Variants in ZMAT4 observed in about 807,000 individuals in gnomAD.
ZMAT4 encodes zinc finger matrin-type 4, also known as zinc finger matrin-type protein 4.
Under a neutral mutation model 28.7 loss-of-function variants are expected in ZMAT4, and 17 were observed. That is an observed-to-expected ratio of 0.59 (90% CI 0.41 to 0.89). ZMAT4 has a LOEUF of 0.89. Ranked by LOEUF, ZMAT4 falls within the 40% of genes least tolerant of loss-of-function variation. The pLI is 0.00. For missense variants in ZMAT4, 240 were observed against 283.8 expected, an observed-to-expected ratio of 0.85 and a Z score of 1.11; for synonymous variants, 117 against 109.2, an observed-to-expected ratio of 1.07 and a Z score of -0.44.
chr8:40,832,219 T>C lies in ZMAT4; in HGVS notation c.-4-6539A>G, dbSNP rs147461214. On this transcript the variant is annotated intron_variant, in intron 1 of 6. Transcript: ENST00000297737. The stretch of plus-strand genomic sequence containing the variant: ...GGACAGACATTCAGTGCAGAATTAA[T>C]ATGCTGGGGCCTGAAGAGCCTCGAC... Among the ~76,000 whole-genome samples the C allele has an allele frequency of 3.3e-3, 499 of 152,276 alleles. 1 individual carries two copies. Among genetic ancestry groups the C allele is most frequent in the Non-Finnish European group, 5.3e-3 (361 of 68,028 alleles).
At chr8:40,618,589 AT>A (rs1806095119) in intron 5 of ZMAT4, among the ~76,000 whole-genome samples, 1 of 151,634 alleles carries the variant, frequency 6.6e-6, no homozygotes, top group African/African-American at 2.4e-5. Context: ...CTACCAATTC[AT>A]TTGTTTAATG....
At chr8:40,824,725 AAAGAAAG>A (rs954795605) in intron 2 of ZMAT4, among the ~76,000 whole-genome samples, 2 of 151,230 alleles carry the variant, frequency 1.3e-5, no homozygotes, top group African/African-American at 2.4e-5. Context: ...TGAAAGAAAG[AAAGAAAG>A]AAGAAAGAAA....
intron 5 of ZMAT4, among the ~76,000 whole-genome samples, chr8:40,673,188 C>T (rs1808755142): frequency 6.6e-6 from 1 of 152,144 alleles, no homozygotes; most frequent in Admixed American, 6.5e-5. Flanking sequence ...ACATGGAATG[C>T]CTTCTCACCT....
intron 1 of ZMAT4, among the ~76,000 whole-genome samples, chr8:40,867,383 T>A (rs1472602218): frequency 6.6e-6 from 1 of 152,226 alleles, no homozygotes; most frequent in Non-Finnish European, 1.5e-5. Context: ...GCGTCTGTTT[T>A]CAAAGTGATC....
intron 1 of ZMAT4, among the ~76,000 whole-genome samples, chr8:40,893,788 C>T (rs909143463): frequency 1.3e-5 from 2 of 152,134 alleles, no homozygotes; most frequent in South Asian, 2.1e-4. Context: ...AGCATAGTAC[C>T]TGATAGGCAG....
chr8:40,629,441 A>G (rs1443523504), intron 5 of ZMAT4, among the ~76,000 whole-genome samples: 4 of 151,190 alleles, frequency 2.6e-5, no homozygotes, highest in Non-Finnish European at 4.4e-5. Flanking sequence ...GTTTTAGGGT[A>G]CATGTGCACA....
At chr8:40,556,407 C>T (rs144240635) in intron 6 of ZMAT4, among the ~76,000 whole-genome samples, 1 of 152,308 alleles carries the variant, frequency 6.6e-6, no homozygotes, top group Non-Finnish European at 1.5e-5. Context: ...ATACCTCCAT[C>T]ATCAATCCAA....
At chr8:40,848,585 T>C (rs61146272) in intron 1 of ZMAT4, among the ~76,000 whole-genome samples, 13,483 of 152,126 alleles carry the variant, frequency 0.089, 648 homozygotes, top group Admixed American at 0.13. Context: ...TCACTAGTCA[T>C]ATAACTTTGG....
chr8:40,547,371 T>C (rs1803237325), intron 6 of ZMAT4, among the ~76,000 whole-genome samples: 1 of 152,192 alleles, frequency 6.6e-6, no homozygotes, highest in South Asian at 2.1e-4. Flanking sequence ...AAGCAGCAGC[T>C]CGCTGTTAAG....
At chr8:40,875,425 T>A (rs1818007940) in intron 1 of ZMAT4, among the ~76,000 whole-genome samples, 1 of 152,036 alleles carries the variant, frequency 6.6e-6, no homozygotes, top group South Asian at 2.1e-4. Flanking sequence ...GGGAATTGGT[T>A]GAAAAGAAAG....
chr8:40,727,454 T>C (rs1483756923), intron 3 of ZMAT4, among the ~76,000 whole-genome samples: 1 of 152,200 alleles, frequency 6.6e-6, no homozygotes, highest in Non-Finnish European at 1.5e-5. Flanking sequence ...CACAGCTTAA[T>C]CCAACCACGA....
intron 3 of ZMAT4, among the ~76,000 whole-genome samples, chr8:40,750,614 C>T (rs780473032): frequency 6.6e-6 from 1 of 152,104 alleles, no homozygotes; most frequent in Non-Finnish European, 1.5e-5. Context: ...TTTTGTGGGA[C>T]TCTAGCATGT....
At chr8:40,540,872 G>A (rs566936504) in intron 6 of ZMAT4, among the ~76,000 whole-genome samples, 2 of 152,270 alleles carry the variant, frequency 1.3e-5, no homozygotes, top group East Asian at 1.9e-4. Flanking sequence ...CACGTTGGCA[G>A]GTACAGAGAG....
At chr8:40,755,835 T>C (rs1812655567) in intron 3 of ZMAT4, among the ~76,000 whole-genome samples, 1 of 152,200 alleles carries the variant, frequency 6.6e-6, no homozygotes, top group Non-Finnish European at 1.5e-5. Flanking sequence ...TTAAAATAAT[T>C]CCTAGCTTAC....
intron 1 of ZMAT4, among the ~76,000 whole-genome samples, chr8:40,883,959 G>T (rs993607050): frequency 9.9e-5 from 15 of 152,028 alleles, no homozygotes; most frequent in African/African-American, 3.6e-4. Flanking sequence ...AGCCCCTTTC[G>T]CAGTGAAAAG....
chr8:40,666,048 A>G (rs1414126777), intron 5 of ZMAT4, among the ~76,000 whole-genome samples: 2 of 152,230 alleles, frequency 1.3e-5, no homozygotes, highest in Non-Finnish European at 2.9e-5. Flanking sequence ...AAAGTATTTA[A>G]AAGAATAAAT....
At chr8:40,771,691 T>G (rs1373868551) in intron 2 of ZMAT4, among the ~76,000 whole-genome samples, 1 of 152,216 alleles carries the variant, frequency 6.6e-6, no homozygotes, top group African/African-American at 2.4e-5. Context: ...TTTTAAAACT[T>G]CATTTTAGTA....
At chr8:40,771,542 T>A (rs569044878) in intron 2 of ZMAT4, among the ~76,000 whole-genome samples, 1 of 152,252 alleles carries the variant, frequency 6.6e-6, no homozygotes, top group Non-Finnish European at 1.5e-5. Context: ...ATGCTGTTAA[T>A]GTATACTGGT....
chr8:40,664,319 GC>G (rs1808315626), intron 5 of ZMAT4, among the ~76,000 whole-genome samples: 1 of 152,154 alleles, frequency 6.6e-6, no homozygotes, highest in African/African-American at 2.4e-5. Flanking sequence ...TCACCAATAA[GC>G]CAGGTGTGTG....
Sources: allele counts gnomAD v4.1 joint callset (sites outside exome capture counted in the v4.1 genomes callset), GRCh38; gene constraint gnomAD v4.1.1; transcripts MANE v1.5; gene names NCBI Gene and HGNC (gene_info 2026-07-23, HGNC 2026-07-21).